The following PMM2 variants were observed in gnomAD, a reference collection of about 807,000 sequenced individuals.
PMM2 encodes the protein mannose-6-phosphate isomerase.
In PMM2, 35 loss-of-function variants were observed where a neutral mutation model predicts 33.2. The ratio of observed to expected loss-of-function variants is 1.06; its 90% CI spans 0.81 to 1.40. The LOEUF (loss-of-function observed/expected upper bound fraction) is 1.40, where lower values mean the gene tolerates loss of function less well. Among genes scored for constraint, PMM2 ranks in the 40% most tolerant of loss-of-function variants. The probability of loss-of-function intolerance (pLI) is 0.00; values close to 1 mark genes in which losing one functional copy is unlikely to be tolerated. For missense variants in PMM2, 386 were observed against 306.0 expected (o/e 1.26, Z -1.95); for synonymous variants, 153 against 114.7 (o/e 1.33, Z -2.13).
At position 8,835,180 on chromosome 16, in the gene PMM2, G is replaced by A. The variant is rs552589013; in HGVS notation, c.640-12544G>A. Among the ~76,000 whole-genome samples the A allele has an allele frequency of 2.7e-3, 405 of 150,392 alleles. 1 individual carries two copies. The highest frequency in any genetic ancestry group is 9.4e-3 in the African/African-American group (384 of 40,728). Reference sequence around the variant, plus strand: ...GTTGTTTGGACAGAAAGGCTACAGGGTGTGGTCCTGGCTGTTGTGTAAGAA... The same window carrying A: ...GTTGTTTGGACAGAAAGGCTACAGGATGTGGTCCTGGCTGTTGTGTAAGAA... On this transcript the variant is annotated intron_variant, in intron 7 of 7. Coordinates refer to ENST00000268261, the MANE Select transcript of PMM2 (RefSeq NM_000303.3).
At chr16:8,847,586 T>C (rs2060935643) in intron 7 of PMM2, 138 bp from the exon 8 acceptor site, 1 of 708,218 alleles carries the variant, frequency 1.4e-6, no homozygotes, top group African/African-American at 1.7e-5. Flanking sequence ...TCCTGGAAAC[T>C]AAGAGGAAGG....
At chr16:8,808,554 A>G (rs4985037) in intron 4 of PMM2, 130,884 of 152,202 alleles carry the variant, frequency 0.86, 57,222 homozygotes, top group East Asian at 0.97. Flanking sequence ...CATGCCCCAC[A>G]ACGGCCAGGC....
chr16:8,806,270 A>C, intron 3 of PMM2, 46 bp from the exon 4 acceptor site: 1 of 1,296,008 alleles, frequency 7.7e-7, no homozygotes, highest in East Asian at 2.3e-5. Context: ...GCTGTTTTGA[A>C]AATGCTCCTG....
intron 7 of PMM2, among the ~76,000 whole-genome samples, chr16:8,834,518 C>G (rs1390697198): frequency 6.6e-6 from 1 of 151,844 alleles, no homozygotes; most frequent in Non-Finnish European, 1.5e-5. Context: ...TTACCTGACT[C>G]GGGGCATGTT....
intron 7 of PMM2, among the ~76,000 whole-genome samples, chr16:8,816,099 T>A (rs1289064574): frequency 6.6e-6 from 1 of 152,148 alleles, no homozygotes; most frequent in East Asian, 1.9e-4. Flanking sequence ...TACAATGAGA[T>A]AAACCTCACA....
Position 8,835,271 on chromosome 16 carries a change from G to C in PMM2, c.640-12453G>C, listed in dbSNP as rs886506798. On this transcript the variant is annotated intron_variant, in intron 7 of 7. Coordinates refer to ENST00000268261, the MANE Select transcript of PMM2 (RefSeq NM_000303.3). The stretch of plus-strand genomic sequence containing the variant: ...TTGTTTTGTAAGGGATTGAGGTTTG[G>C]GAGATTAATCAGACACGATCAACAG... 3.0e-4 allele frequency among the ~76,000 whole-genome samples: 45 copies of C among 151,800 alleles called. No homozygotes were observed. The East Asian group carries it at 5.2e-3, about 18-fold the overall frequency.
intron 7 of PMM2, among the ~76,000 whole-genome samples, chr16:8,836,863 A>C (rs2060851700): frequency 6.6e-6 from 1 of 152,042 alleles, no homozygotes; most frequent in Non-Finnish European, 1.5e-5. Flanking sequence ...ATTTGGGATA[A>C]AGAAAAAGGA....
At chr16:8,806,218 AT>A (rs2060646869) in intron 3 of PMM2, 97 bp from the exon 4 acceptor site, 3 of 788,336 alleles carry the variant, frequency 3.8e-6, no homozygotes, top group Non-Finnish European at 6.9e-6. Flanking sequence ...CAGCCTACTG[AT>A]TTTCAGCAAT....
chr16:8,838,533 G>A (rs1011872782), intron 7 of PMM2, among the ~76,000 whole-genome samples: 25 of 151,964 alleles, frequency 1.6e-4, no homozygotes, highest in African/African-American at 6.0e-4. Context: ...ATTAGGGGCG[G>A]CGTGGGAACC....
chr16:8,813,024 G>T lies in PMM2; in HGVS notation c.557G>T (p.Gly186Val). The T allele has an allele frequency of 6.2e-7, 1 of 1,613,586 alleles. No homozygotes were observed. The highest frequency in any genetic ancestry group is 1.7e-5 in the Admixed American group (1 of 60,026). The stretch of plus-strand genomic sequence containing the variant: ...ATCAGCTTTGATGTCTTTCCTGATG[G>T]ATGGGACAAGAGATACTGTCTGCGA... ...GQISFDVFPDGWDKRYCLRHV... is the reference protein window; with the variant it reads ...GQISFDVFPDVWDKRYCLRHV... The change falls in exon 7 of 8, where the codon GGA (glycine) becomes GTA (valine). Residue 186 changes from glycine (G) to valine (V), a missense_variant. Transcript: ENST00000268261.
rs368920826 is a variant in PMM2, at chr16:8,801,839, G to A, written c.107G>A (p.Arg36Lys). The change falls in exon 2 of 8, where the codon AGG (arginine) becomes AAG (lysine). Residue 36 changes from arginine to lysine, a missense_variant. Transcript: ENST00000268261. ...ATGGATGACTTCCTACAAAAATTGA[G>A]GCAGAAGATCAAAATCGGAGTGGTA... Reference protein sequence around the residue: ...KEMDDFLQKLRQKIKIGVVGG... With the variant: ...KEMDDFLQKLKQKIKIGVVGG... 1.2e-6 allele frequency: 2 copies of A among 1,611,986 alleles called. No homozygotes were observed. The highest frequency in any genetic ancestry group is 1.7e-6 in the Non-Finnish European group (2 of 1,178,606).
intron 6 of PMM2, among the ~76,000 whole-genome samples, chr16:8,812,184 C>T (rs1321668168): frequency 6.6e-6 from 1 of 152,194 alleles, no homozygotes; most frequent in Non-Finnish European, 1.5e-5. Flanking sequence ...GATCAAGAAA[C>T]TGAGGCCCAG....
At chr16:8,827,009 T>G (rs2060772318) in intron 7 of PMM2, among the ~76,000 whole-genome samples, 1 of 152,200 alleles carries the variant, frequency 6.6e-6, no homozygotes, top group Non-Finnish European at 1.5e-5. Flanking sequence ...GCCTCAACTT[T>G]TTTCACATAT....
chr16:8,809,625 G>C (rs898335459), intron 4 of PMM2: 4 of 151,818 alleles, frequency 2.6e-5, no homozygotes, highest in African/African-American at 9.7e-5. Context: ...GCTAATTTTT[G>C]TATTTTTAGT....
At chr16:8,842,587 G>C (rs1161414119) in intron 7 of PMM2, among the ~76,000 whole-genome samples, 1 of 152,180 alleles carries the variant, frequency 6.6e-6, no homozygotes, top group Non-Finnish European at 1.5e-5. Context: ...GATCAAGTGT[G>C]GAATAGTGAG....
chr16:8,806,475 G>A (rs1397751823), intron 4 of PMM2, 68 bp downstream of exon 4: 4 of 930,446 alleles, frequency 4.3e-6, no homozygotes, highest in Non-Finnish European at 7.2e-6. Flanking sequence ...GGCTAATGTG[G>A]GCATTCTCCA....
chr16:8,809,679 T>C (rs1457759639), intron 4 of PMM2: 1 of 152,142 alleles, frequency 6.6e-6, no homozygotes. Flanking sequence ...TCTTGACTCC[T>C]GACCTCAAGG....
At chr16:8,809,760 A>G (rs2060667858) in intron 4 of PMM2, 1 of 152,006 alleles carries the variant, frequency 6.6e-6, no homozygotes, top group South Asian at 2.1e-4. Context: ...TTTCAGACTC[A>G]AACTGGAAAC....
In PMM2 at chr16:8,801,886, G is replaced by C. The variant is rs148608841; in HGVS notation, c.154G>C (p.Val52Leu). 6.8e-6 allele frequency: 11 copies of C among 1,610,446 alleles called. No individual in the cohort carries two copies. Among genetic ancestry groups the C allele is most frequent in the African/African-American group, 1.3e-5 (1 of 74,778 alleles). Residue 52 changes from valine to leucine, a missense_variant, in exon 2 of 8, where the codon GTG (valine) becomes CTG (leucine). By Grantham distance (32) the Val-to-Leu change is conservative. Coordinates refer to ENST00000268261, the MANE Select transcript of PMM2 (RefSeq NM_000303.3). The part of the protein sequence containing the change: ...GVVGGSDFEK[V>L]QEQLGNDVVE... Reference sequence around the variant, plus strand: ...GGTAGGCGGATCGGACTTTGAGAAAGTGCAGGAGCAACTGGGAAATGATGG... The same window carrying C: ...GGTAGGCGGATCGGACTTTGAGAAACTGCAGGAGCAACTGGGAAATGATGG...
Sources: allele counts gnomAD v4.1 joint callset (sites outside exome capture counted in the v4.1 genomes callset), GRCh38; gene constraint gnomAD v4.1.1; transcripts MANE v1.5; gene names NCBI Gene and HGNC (gene_info 2026-07-23, HGNC 2026-07-21).